ACOT11: variants seen among roughly 807,000 people sequenced by gnomAD.
The protein encoded by ACOT11 is acyl-CoA thioesterase 11, also known as acyl-coenzyme A thioesterase 11.
In ACOT11, 69 loss-of-function variants were observed where a neutral mutation model predicts 77.5. The observed-to-expected ratio is 0.89, with a 90% CI of 0.73 to 1.09. ACOT11 has a LOEUF of 1.09. ACOT11 is among the 50% of genes least tolerant of loss of function. ACOT11 has a pLI of 0.00. For synonymous variants in ACOT11, 279 were observed against 313.0 expected, an observed-to-expected ratio of 0.89 and a Z score of 1.15; for missense variants, 766 against 813.7, an observed-to-expected ratio of 0.94 and a Z score of 0.71.
downstream of ACOT11, among the ~76,000 whole-genome samples, chr1:54,612,879 C>T (rs1644134145): frequency 2.0e-5 from 3 of 152,072 alleles, no homozygotes; most frequent in Admixed American, 2.0e-4. Flanking sequence ...ATAAATTGGG[C>T]GTGGACTTTG....
intron 15 of ACOT11, among the ~76,000 whole-genome samples, chr1:54,624,717 G>T (rs1389163040): frequency 6.6e-6 from 1 of 152,106 alleles, no homozygotes; most frequent in East Asian, 1.9e-4. Context: ...GGACAGCAAG[G>T]CCCCCGATGC....
intron 8 of ACOT11, among the ~76,000 whole-genome samples, chr1:54,600,771 T>G (rs1010441873): frequency 3.9e-5 from 6 of 152,228 alleles, no homozygotes; most frequent in Non-Finnish European, 8.8e-5. Flanking sequence ...CCACAGCACT[T>G]GTAAATATGC....
At chr1:54,582,638 G>A (rs12567224) in intron 1 of ACOT11, 14,776 of 506,518 alleles carry the variant, frequency 0.029, 410 homozygotes, top group East Asian at 0.17. Flanking sequence ...TATCATGACT[G>A]CTGGTCCAGG....
At chr1:54,551,737 GTTTTT>G (rs1372631055) in intron 1 of ACOT11, among the ~76,000 whole-genome samples, 1 of 145,248 alleles carries the variant, frequency 6.9e-6, no homozygotes, top group Non-Finnish European at 1.5e-5. Flanking sequence ...GTTTTGTTTT[GTTTTT>G]GTTTTTGTTT....
chr1:54,573,214 A>C, intron 1 of ACOT11: 4 of 985,454 alleles, frequency 4.1e-6, no homozygotes, highest in Non-Finnish European at 2.4e-6. Context: ...TGCCTGCCAG[A>C]TGAGAGAGAA....
intron 1 of ACOT11, among the ~76,000 whole-genome samples, chr1:54,551,925 TTAGCCTCCAACCACAC>T (rs1653084648): frequency 2.6e-5 from 4 of 151,954 alleles, no homozygotes; most frequent in Admixed American, 1.3e-4. Flanking sequence ...AATTTTTGTA[TTAGCCTCCAACCACAC>T]AATGCAATCC....
At chr1:54,562,524 G>T (rs1300230657) in intron 1 of ACOT11, among the ~76,000 whole-genome samples, 1 of 91,748 alleles carries the variant, frequency 1.1e-5, no homozygotes, top group African/African-American at 4.7e-5. Flanking sequence ...CGGATGGGGC[G>T]GCTGGCCGGG....
chr1:54,593,876 C>T (rs557641847), intron 4 of ACOT11, 65 bp from the exon 5 acceptor site: 71 of 1,377,248 alleles, frequency 5.2e-5, no homozygotes, highest in East Asian at 1.6e-4. Flanking sequence ...GGTGGAGCTG[C>T]GGGGCTTCTA....
At chr1:54,595,012 A>G (rs1654849633) in intron 6 of ACOT11, among the ~76,000 whole-genome samples, 1 of 152,248 alleles carries the variant, frequency 6.6e-6, no homozygotes, top group African/African-American at 2.4e-5. Context: ...TGAAGACTGT[A>G]GAATTTTTTA....
chr1:54,601,510 G>A (rs1358407358), intron 9 of ACOT11, 97 bp downstream of exon 9: 4 of 1,515,596 alleles, frequency 2.6e-6, no homozygotes, highest in Non-Finnish European at 3.5e-6. Context: ...AGACCTAGAG[G>A]CGTGAGGGGC....
intron 1 of ACOT11, among the ~76,000 whole-genome samples, chr1:54,549,149 T>C (rs12133518): frequency 0.069 from 10,555 of 152,176 alleles, 526 homozygotes; most frequent in East Asian, 0.23. Flanking sequence ...CACCGGGCCC[T>C]GTGCATCTTG....
At position 54,610,316 on chromosome 1, in the gene ACOT11, T is replaced by C; in HGVS notation, c.*1204T>C. ...CCAGGGTATGGTGTAAATAAACCTG[T>C]GTTGCCATGGCAACAGAGACCGGCG... On this transcript the variant is annotated 3_prime_UTR_variant, in exon 16 of 16. Coordinates refer to ENST00000343744, the MANE Select transcript of ACOT11 (RefSeq NM_147161.4). The C allele has an allele frequency of 1.9e-6, 3 of 1,547,440 alleles. No individual in the cohort carries two copies. Among genetic ancestry groups the C allele is most frequent in the Middle Eastern group, 1.8e-4 (1 of 5,698 alleles).
Position 54,554,349 on chromosome 1 carries a change from ATAT to A in ACOT11, c.33+6009_33+6011del, listed in dbSNP as rs1440157990. Among the ~76,000 whole-genome samples, 23 of 79,142 alleles carry A rather than the reference ATAT, an allele frequency of 2.9e-4. 1 individual carries two copies. Among genetic ancestry groups the A allele is most frequent in the East Asian group, 2.0e-3 (6 of 3,064 alleles). 51.9% of individuals were successfully genotyped at this position (79,142 alleles called of 152,430 possible). ...TGTGTGTGTGTATATATATATATAT[ATAT>A]TTTTTTTTTTTTTTTTTGAGATGGA... On this transcript the variant is annotated intron_variant, in intron 1 of 15. Coordinates refer to ENST00000343744, the MANE Select transcript of ACOT11 (RefSeq NM_147161.4).
chr1:54,603,033 A>T (rs1643982815), intron 10 of ACOT11, among the ~76,000 whole-genome samples: 1 of 152,194 alleles, frequency 6.6e-6, no homozygotes, highest in South Asian at 2.1e-4. Context: ...TCTGATGCCC[A>T]TTTGGCAGAT....
chr1:54,554,319 GTGTGTGTGTGTGTGTA>G (rs1278586991), intron 1 of ACOT11, among the ~76,000 whole-genome samples: 1 of 87,298 alleles, frequency 1.1e-5, no homozygotes, highest in Non-Finnish European at 2.4e-5. Flanking sequence ...GTGTGTGTGT[GTGTGTGTGTGTGTGTA>G]TATATATATA....
At position 54,601,378 on chromosome 1, in the gene ACOT11, C is replaced by T; in HGVS notation, c.994C>T (p.Pro332Ser). 1 of 1,613,446 alleles carries T rather than the reference C, an allele frequency of 6.2e-7. No individual in the cohort carries two copies. Among genetic ancestry groups the T allele is most frequent in the Non-Finnish European group, 8.5e-7 (1 of 1,179,972 alleles). Residue 332 changes from proline to serine, a missense_variant, in exon 9 of 16, where the codon CCC becomes TCC. Coordinates refer to ENST00000343744, the MANE Select transcript of ACOT11 (RefSeq NM_147161.4). Reference protein sequence around the residue: ...TFVVLDADDQPQLLPWIRPQP... With the variant: ...TFVVLDADDQSQLLPWIRPQP... ...TGTGGTCCTGGACGCAGATGACCAG[C>T]CCCAGTTGCTGCCCTGGATTCGGCC...
Position 54,609,282 on chromosome 1 carries a change from C to T in ACOT11, c.*170C>T, listed in dbSNP as rs761175244. ...CCCCTGGGTGCTCAGTTTCTACCAA[C>T]ATGAGCCAGCAAGTCCTTGTGGTAG... On this transcript the variant is annotated 3_prime_UTR_variant, in exon 16 of 16. Transcript: ENST00000343744. 6 of 1,605,522 alleles carry T rather than the reference C, an allele frequency of 3.7e-6. No individual in the cohort carries two copies. The Admixed American group carries it at 6.7e-5, about 18-fold the overall frequency.
At chr1:54,591,124 C>T (rs971689232) in intron 3 of ACOT11, among the ~76,000 whole-genome samples, 22 of 152,134 alleles carry the variant, frequency 1.4e-4, no homozygotes, top group Non-Finnish European at 2.4e-4. Context: ...GTCACTATGT[C>T]AGCATGAATC....
intron 15 of ACOT11, among the ~76,000 whole-genome samples, chr1:54,608,572 C>CTT (rs1644062789): frequency 6.6e-6 from 1 of 152,130 alleles, no homozygotes. Flanking sequence ...AATTCATATG[C>CTT]TTGAACCCAT....
Sources: allele counts gnomAD v4.1 joint callset (sites outside exome capture counted in the v4.1 genomes callset), GRCh38; gene constraint gnomAD v4.1.1; transcripts MANE v1.5; gene names NCBI Gene and HGNC (gene_info 2026-07-23, HGNC 2026-07-21).